The following NKAIN1 variants were observed in gnomAD, a reference collection of about 807,000 sequenced individuals.
NKAIN1 encodes sodium/potassium-transporting ATPase subunit beta-1-interacting protein 1.
A neutral mutation model predicts 31.6 loss-of-function variants in NKAIN1; 13 were observed. The ratio of observed to expected loss-of-function variants is 0.41; its 90% confidence interval spans 0.27 to 0.65. The LOEUF (loss-of-function observed/expected upper bound fraction) is 0.65, where lower values mean the gene tolerates loss of function less well. NKAIN1 is among the 30% of genes least tolerant of loss of function. NKAIN1 has a pLI of 0.30. For missense variants in NKAIN1, 193 were observed against 262.2 expected (o/e 0.74, Z 1.82); for synonymous variants, 104 against 109.0 (o/e 0.95, Z 0.28).
chr1:31,236,106 G>A (rs1645690530), intron 1 of NKAIN1, among the ~76,000 whole-genome samples: 1 of 152,106 alleles, frequency 6.6e-6, no homozygotes, highest in African/African-American at 2.4e-5. Flanking sequence ...TTTAACAGAT[G>A]ACAAAACTAT....
chr1:31,224,847 T>C (rs1645590390), intron 1 of NKAIN1, among the ~76,000 whole-genome samples: 1 of 152,064 alleles, frequency 6.6e-6, no homozygotes. Flanking sequence ...GGCCAGCTTT[T>C]CTTGGAGGAT....
At chr1:31,216,417 A>G (rs1645512561) in intron 1 of NKAIN1, among the ~76,000 whole-genome samples, 1 of 152,232 alleles carries the variant, frequency 6.6e-6, no homozygotes, top group Non-Finnish European at 1.5e-5. Context: ...CTCCAAGTTT[A>G]GAACACTTTG....
chr1:31,199,399 T>C (rs1174338941), intron 1 of NKAIN1, among the ~76,000 whole-genome samples: 1 of 152,204 alleles, frequency 6.6e-6, no homozygotes, highest in African/African-American at 2.4e-5. Context: ...CAACAGCTTT[T>C]GTTGCATCCC....
intron 1 of NKAIN1, among the ~76,000 whole-genome samples, chr1:31,195,611 C>G (rs571940019): frequency 1.3e-5 from 2 of 151,878 alleles, no homozygotes; most frequent in East Asian, 3.9e-4. Flanking sequence ...AGCTCAAAGC[C>G]TCTCCCATTA....
rs776219642 is a variant in NKAIN1 at position 31,182,547 on chromosome 1, A to G, written c.515T>C (p.Leu172Pro). 2 of 1,614,162 alleles carry G rather than the reference A, an allele frequency of 1.2e-6. No homozygotes were observed. The highest frequency in any genetic ancestry group is 1.6e-4 in the Middle Eastern group (1 of 6,062). Residue 172 changes from leucine to proline, a missense_variant, in exon 5 of 7, where the codon CTG becomes CCG. By Grantham distance (98) the Leu-to-Pro change is moderately conservative. Coordinates refer to ENST00000373736, the MANE Select transcript of NKAIN1 (RefSeq NM_024522.3). ...TTACTCACAGCTGTCCTCCTCCTCC[A>G]GGAACACTTTGCTCACGTAGCAGGC... ...VFACYVSKVF[L>P]EEEDSFDFIG...
At chr1:31,234,748 C>A (rs940166348) in intron 1 of NKAIN1, among the ~76,000 whole-genome samples, 1 of 152,146 alleles carries the variant, frequency 6.6e-6, no homozygotes, top group Admixed American at 6.5e-5. Flanking sequence ...ATATGATCAT[C>A]TTCATTTTCA....
intron 1 of NKAIN1, among the ~76,000 whole-genome samples, chr1:31,230,052 G>A (rs896270738): frequency 3.7e-4 from 57 of 152,050 alleles, no homozygotes; most frequent in African/African-American, 1.2e-3. Context: ...AGAAGACCAC[G>A]GTCCAGCAAT....
chr1:31,206,218 A>G (rs887777389), intron 1 of NKAIN1, among the ~76,000 whole-genome samples: 12 of 140,452 alleles, frequency 8.5e-5, no homozygotes, highest in African/African-American at 3.0e-4. Flanking sequence ...CTGGGCAACA[A>G]GAGCAAAACT....
Position 31,233,572 on chromosome 1 carries a change from C to T in NKAIN1, c.54+5922G>A, listed in dbSNP as rs1645673384. Among the ~76,000 whole-genome samples the T allele has an allele frequency of 6.6e-6, 1 of 152,198 alleles. No homozygotes were observed. Among genetic ancestry groups the T allele is most frequent in the South Asian group, 2.1e-4 (1 of 4,830 alleles). On this transcript the variant is annotated intron_variant, in intron 1 of 6. Coordinates refer to ENST00000373736, the MANE Select transcript of NKAIN1 (RefSeq NM_024522.3). This position sits in a 1 kb window ranked among gnomAD's most constrained non-coding sequence, Gnocchi z 4.0. Reference sequence around the variant, plus strand: ...AGTACAATGCCTGGCTCATAGCAGACACCAAACAAAAAGAAATTCTCATTA... The same window carrying T: ...AGTACAATGCCTGGCTCATAGCAGATACCAAACAAAAAGAAATTCTCATTA...
At chr1:31,235,278 A>C (rs6701861) in intron 1 of NKAIN1, among the ~76,000 whole-genome samples, 75,688 of 151,918 alleles carry the variant, frequency 0.5, 19,821 homozygotes, top group Non-Finnish European at 0.59. Flanking sequence ...TGGGTTTGGA[A>C]AGGAGAGAGA....
intron 1 of NKAIN1, among the ~76,000 whole-genome samples, chr1:31,225,079 G>C (rs1373067249): frequency 1.4e-5 from 2 of 138,298 alleles, no homozygotes; most frequent in Non-Finnish European, 3.0e-5. Flanking sequence ...CCAGGCTGGA[G>C]TGCAGTGGCA....
intron 1 of NKAIN1, among the ~76,000 whole-genome samples, chr1:31,219,281 G>A (rs977147329): frequency 6.6e-6 from 1 of 152,246 alleles, no homozygotes; most frequent in African/African-American, 2.4e-5. Flanking sequence ...ATTTCTGGCT[G>A]GGGTCTCATA....
Position 31,233,864 on chromosome 1 carries a change from A to G in NKAIN1, c.54+5630T>C, listed in dbSNP as rs370763036. 1.2e-4 allele frequency among the ~76,000 whole-genome samples: 18 copies of G among 152,310 alleles called. No homozygotes were observed. The South Asian group carries it at 3.7e-3, about 32-fold the overall frequency. On this transcript the variant is annotated intron_variant, in intron 1 of 6. Coordinates refer to ENST00000373736, the MANE Select transcript of NKAIN1 (RefSeq NM_024522.3). This position sits in a 1 kb window ranked among gnomAD's most constrained non-coding sequence, Gnocchi z 4.0. ...GAAGCTGTTTTTCTGACTACTTTGTAAGTAAGAAGGCAGAGGCTCAGAGAG... is the reference window on the plus strand; with the variant it reads ...GAAGCTGTTTTTCTGACTACTTTGTGAGTAAGAAGGCAGAGGCTCAGAGAG...
intron 1 of NKAIN1, among the ~76,000 whole-genome samples, chr1:31,192,767 G>GTC (rs1404031109): frequency 6.6e-6 from 1 of 151,976 alleles, no homozygotes; most frequent in African/African-American, 2.4e-5. Flanking sequence ...GCCCAGCCTA[G>GTC]TCTCATACCC....
intron 1 of NKAIN1, among the ~76,000 whole-genome samples, chr1:31,199,596 G>C (rs946886): frequency 0.7 from 106,208 of 151,916 alleles, 38,741 homozygotes; most frequent in Middle Eastern, 0.9. Flanking sequence ...AGCAGAGGGG[G>C]CAGTGATGTG....
rs1645490778 is a variant in NKAIN1 at position 31,214,012 on chromosome 1, A to ATT, written c.54+25481_54+25482insAA. On this transcript the variant is annotated intron_variant, in intron 1 of 6. Transcript: ENST00000373736. ...CTGTCTCAAAAAAAGAATAAAATAA[A>ATT]AATTAATTAATTAATTAATTAATTA... is the stretch of plus-strand genomic sequence containing the variant. Among the ~76,000 whole-genome samples, 3 of 21,932 alleles carry ATT rather than the reference A, an allele frequency of 1.4e-4. No homozygotes were observed. The South Asian group carries it at 4.1e-3, about 30-fold the overall frequency. 14.4% of individuals were successfully genotyped at this position (21,932 alleles called of 152,430 possible).
rs1433463184 is a variant in NKAIN1 at position 31,239,351 on chromosome 1, G to T, written c.54+143C>A. ...CAGCGGGAGCAGGCTCCGCCCGACC[G>T]CTCCGAGACTCCAGACCACCCCCCG... is the stretch of plus-strand genomic sequence containing the variant. On this transcript the variant is annotated intron_variant, in intron 1 of 6. Coordinates refer to ENST00000373736, the MANE Select transcript of NKAIN1 (RefSeq NM_024522.3). This position sits in a 1 kb window ranked among gnomAD's most constrained non-coding sequence, Gnocchi z 4.8. 2 of 480,576 alleles carry T rather than the reference G, an allele frequency of 4.2e-6. No individual in the cohort carries two copies. The highest frequency in any genetic ancestry group is 6.6e-6 in the Non-Finnish European group (2 of 301,944). The allele number at this position is 480,576 out of a possible 1,614,324, so 29.8% of individuals were successfully genotyped here.
At chr1:31,185,189 G>A in intron 3 of NKAIN1, 58 bp downstream of exon 3, 1 of 1,395,496 alleles carries the variant, frequency 7.2e-7, no homozygotes, top group Non-Finnish European at 1.0e-6. Context: ...GTACCCTTAG[G>A]GCAGGGGATG....
intron 1 of NKAIN1, among the ~76,000 whole-genome samples, chr1:31,216,226 C>A (rs1645510832): frequency 6.6e-6 from 1 of 151,890 alleles, no homozygotes; most frequent in African/African-American, 2.4e-5. Context: ...TTGGAGGAAG[C>A]AATTGCCGTC....
Sources: gnomAD v4.1 joint callset for allele counts (sites outside exome capture counted in the v4.1 genomes callset) on GRCh38, gnomAD v4.1.1 for gene constraint, Gnocchi (gnomAD v3.1) non-coding constraint, MANE v1.5 for transcripts, NCBI Gene and HGNC (gene_info 2026-07-23, HGNC 2026-07-21) for gene names.